Variants in SETD5 observed in about 807,000 individuals in gnomAD.
SETD5 encodes the protein histone-lysine N-methyltransferase SETD5.
In SETD5, 44 loss-of-function variants were observed where a neutral mutation model predicts 153.3. The observed-to-expected ratio is 0.29, with a 90% CI of 0.23 to 0.37. The LOEUF (loss-of-function observed/expected upper bound fraction) is 0.37, where lower values mean the gene tolerates loss of function less well. SETD5 is among the 10% of genes least tolerant of loss of function. SETD5 has a pLI of 1.00. For missense variants in SETD5, 1,544 were observed against 1,768.0 expected, an observed-to-expected ratio of 0.87 and a Z score of 2.27; for synonymous variants, 716 against 645.2, an observed-to-expected ratio of 1.11 and a Z score of -1.66.
In SETD5 at chr3:9,434,149, A is replaced by G. The variant is rs2040295837; in HGVS notation, c.178-185A>G. On this transcript the variant is annotated intron_variant, in intron 4 of 22. Transcript: ENST00000402198. This position sits in a 1 kb window ranked among gnomAD's most constrained non-coding sequence, Gnocchi z 5.6. ...CCAGTTGACCTTGGCATTTTGTTTT[A>G]TCACTTTCCTGGTTGAAGCCAAAAA... is the stretch of plus-strand genomic sequence containing the variant. The G allele has an allele frequency of 4.5e-6, 7 of 1,547,990 alleles. No individual in the cohort carries two copies. Among genetic ancestry groups the G allele is most frequent in the Non-Finnish European group, 5.2e-6 (6 of 1,147,234 alleles).
chr3:9,409,586 A>G (rs1183293880), intron 1 of SETD5, among the ~76,000 whole-genome samples: 6 of 152,066 alleles, frequency 3.9e-5, no homozygotes, highest in African/African-American at 1.4e-4. Context: ...ATAATTTTGT[A>G]CATTTTTTGC....
chr3:9,452,677 T>G (rs2125339269), intron 16 of SETD5, among the ~76,000 whole-genome samples: 1 of 150,300 alleles, frequency 6.7e-6, no homozygotes, highest in Admixed American at 6.6e-5. Flanking sequence ...TTTTTTTTTT[T>G]TTTTTTTGGT....
chr3:9,469,228 T>C (rs76153867), intron 18 of SETD5, among the ~76,000 whole-genome samples: 53 of 152,322 alleles, frequency 3.5e-4, no homozygotes, highest in African/African-American at 1.1e-3. Flanking sequence ...ACAAGTGTTA[T>C]CTCTTTAGGA....
At chr3:9,447,421 A>G (rs889656013) in intron 14 of SETD5, 114 bp downstream of exon 14, 10 of 1,403,780 alleles carry the variant, frequency 7.1e-6, no homozygotes, top group Non-Finnish European at 9.6e-6. Flanking sequence ...ATCACAATAA[A>G]TAAGGCCATT....
chr3:9,415,655 A>T (rs1323587257), intron 1 of SETD5, among the ~76,000 whole-genome samples: 1 of 152,046 alleles, frequency 6.6e-6, no homozygotes, highest in East Asian at 1.9e-4. Context: ...GTCATAGCTC[A>T]CTGCAGTCTC....
intron 1 of SETD5, among the ~76,000 whole-genome samples, chr3:9,407,189 A>G (rs1406604284): frequency 6.6e-6 from 1 of 151,908 alleles, no homozygotes; most frequent in Non-Finnish European, 1.5e-5. Flanking sequence ...TTACCCGGGC[A>G]TGGTGGTGCG....
chr3:9,424,536 C>T lies in SETD5; in HGVS notation c.-117+10C>T, dbSNP rs1261975123. On this transcript the variant is annotated intron_variant, in intron 2 of 22. Transcript: ENST00000402198. Reference sequence around the variant, plus strand: ...AGAAGTCTATATAAAGGTGACTGACCCAAGTAAATCCTTTTAATTTCTGTT... The same window carrying T: ...AGAAGTCTATATAAAGGTGACTGACTCAAGTAAATCCTTTTAATTTCTGTT... 1.3e-5 allele frequency: 2 copies of T among 152,028 alleles called. No homozygotes were observed. The highest frequency in any genetic ancestry group is 4.8e-5 in the African/African-American group (2 of 41,384). 9.4% of individuals were successfully genotyped at this position (152,028 alleles called of 1,614,324 possible).
chr3:9,436,483 G>A (rs1478075219), intron 7 of SETD5, among the ~76,000 whole-genome samples: 1 of 152,170 alleles, frequency 6.6e-6, no homozygotes, highest in Non-Finnish European at 1.5e-5. Flanking sequence ...TTCATCCCTT[G>A]TTAAGGGGAT....
At position 9,423,080 on chromosome 3, in the gene SETD5, A is replaced by G. The variant is rs546634858; in HGVS notation, c.-176-1387A>G. 3.9e-5 allele frequency: 6 copies of G among 152,226 alleles called. No individual in the cohort carries two copies. The East Asian group carries it at 1.2e-3, about 29-fold the overall frequency. The allele number at this position is 152,226 out of a possible 1,614,324, so 9.4% of individuals were successfully genotyped here. On this transcript the variant is annotated intron_variant, in intron 1 of 22. Transcript: ENST00000402198. ...GCTTCCGCCTCACCTGTCTGATGCA[A>G]TTTCTTCTTCTGAAATCTGTTGGAA...
intron 8 of SETD5, 132 bp downstream of exon 8, chr3:9,440,830 T>C: frequency 8.4e-7 from 1 of 1,193,638 alleles, no homozygotes; most frequent in Non-Finnish European, 1.1e-6. Flanking sequence ...CAGGTGTTGA[T>C]CATATGTAAC....
At chr3:9,455,348 C>A (rs549461802) in intron 17 of SETD5, among the ~76,000 whole-genome samples, 1 of 151,282 alleles carries the variant, frequency 6.6e-6, no homozygotes, top group Non-Finnish European at 1.5e-5. Flanking sequence ...TCAGGAGATC[C>A]GCCCACCTCG....
rs1164278885 is a variant in SETD5 at position 9,452,659 on chromosome 3, ATTTTTTTTT to A, written c.2347-1063_2347-1055del. On this transcript the variant is annotated intron_variant, in intron 16 of 22. Transcript: ENST00000402198. ...CACAATGACATTTGTATGATGTAAG[ATTTTTTTTT>A]TTTTTTTTTTTTTTTTGGTAAAATT... Among the ~76,000 whole-genome samples, 106 of 59,836 alleles carry A rather than the reference ATTTTTTTTT, an allele frequency of 1.8e-3. 3 individuals are homozygous for A. Among genetic ancestry groups the A allele is most frequent in the Non-Finnish European group, 2.9e-4 (9 of 31,384 alleles). The allele number at this position is 59,836 out of a possible 152,430, so 39.3% of individuals were successfully genotyped here.
chr3:9,472,252 C>G (rs767381181), intron 19 of SETD5, among the ~76,000 whole-genome samples: 4 of 152,168 alleles, frequency 2.6e-5, no homozygotes, highest in Non-Finnish European at 5.9e-5. Flanking sequence ...AAATTCTGTG[C>G]TGGATGTTAA....
chr3:9,468,493 T>C, intron 18 of SETD5: 1 of 1,303,748 alleles, frequency 7.7e-7, no homozygotes, highest in South Asian at 1.2e-5. Context: ...AGATGAATAA[T>C]AACAAGATGC....
intron 1 of SETD5, among the ~76,000 whole-genome samples, chr3:9,423,034 T>G (rs764178474): frequency 6.6e-6 from 1 of 152,248 alleles, no homozygotes; most frequent in East Asian, 1.9e-4. Context: ...TGGTTGTTTA[T>G]TGGACTTTTG....
At chr3:9,467,951 A>G (rs967745337) in intron 18 of SETD5, among the ~76,000 whole-genome samples, 1 of 151,796 alleles carries the variant, frequency 6.6e-6, no homozygotes, top group African/African-American at 2.4e-5. Context: ...TGAGCTAGGG[A>G]TTCCATCAAT....
chr3:9,431,362 G>A (rs1019922274), intron 3 of SETD5: 4 of 985,230 alleles, frequency 4.1e-6, no homozygotes, highest in Non-Finnish European at 4.8e-6. Flanking sequence ...GTCCAATTCA[G>A]TGATAGGAGA....
At chr3:9,425,055 C>CTTTGTTTT (rs2038952778) in intron 2 of SETD5, among the ~76,000 whole-genome samples, 1 of 83,682 alleles carries the variant, frequency 1.2e-5, no homozygotes, top group Non-Finnish European at 2.3e-5. Flanking sequence ...GACAATGTTT[C>CTTTGTTTT]TTTTTTTTTT....
rs1023175873 is a variant in SETD5 at position 9,434,756 on chromosome 3, G to A, written c.330-68G>A. The A allele has an allele frequency of 8.5e-6, 13 of 1,538,412 alleles. No homozygotes were observed. Among genetic ancestry groups the A allele is most frequent in the Admixed American group, 4.1e-5 (2 of 49,128 alleles). On this transcript the variant is annotated intron_variant, in intron 5 of 22. Transcript: ENST00000402198. The surrounding 1 kb of genome is among the most constrained non-coding windows in gnomAD (Gnocchi z 5.6). ...GGGGTAGCATATGCAGAGACACTTC[G>A]CCCATGTGTGCTATGATGTGATGCA... is the stretch of plus-strand genomic sequence containing the variant.
Sources: gnomAD v4.1 joint callset for allele counts (sites outside exome capture counted in the v4.1 genomes callset) on GRCh38, gnomAD v4.1.1 for gene constraint, Gnocchi (gnomAD v3.1) non-coding constraint, MANE v1.5 for transcripts, NCBI Gene and HGNC (gene_info 2026-07-23, HGNC 2026-07-21) for gene names.